The following GALNT13 variants were observed in gnomAD, a reference collection of about 807,000 sequenced individuals.
GALNT13 encodes UDP-GalNAc:polypeptide N-acetylgalactosaminyltransferase 13.
In GALNT13, 28 loss-of-function variants were observed where a neutral mutation model predicts 64.2. The ratio of observed to expected loss-of-function variants is 0.44; its 90% CI spans 0.32 to 0.60. The LOEUF is 0.60. GALNT13 is among the 20% of genes least tolerant of loss of function. The pLI, the probability that GALNT13 is intolerant of heterozygous loss-of-function variation, is 0.05. For synonymous variants in GALNT13, 214 were observed against 224.6 expected, an observed-to-expected ratio of 0.95 and a Z score of 0.42; for missense variants, 577 against 669.8, an observed-to-expected ratio of 0.86 and a Z score of 1.53.
At chr2:153,094,875 A>G in the GALNT13 span, among the ~76,000 whole-genome samples, 1 of 152,214 alleles carries the variant, frequency 6.6e-6, no homozygotes, top group Admixed American at 6.5e-5. Context: ...TACACCTTAT[A>G]CAAAAATTAA....
intron 4 of GALNT13, among the ~76,000 whole-genome samples, chr2:154,227,468 T>C (rs1688679213): frequency 6.9e-6 from 1 of 144,310 alleles, no homozygotes; most frequent in South Asian, 2.4e-4. Context: ...CTCCTAATGC[T>C]ATCCCTCCCC....
intron 4 of GALNT13, among the ~76,000 whole-genome samples, chr2:154,162,183 T>G (rs1684771889): frequency 6.6e-6 from 1 of 152,214 alleles, no homozygotes; most frequent in South Asian, 2.1e-4. Context: ...AAACAGAATG[T>G]CATTACACTG....
At chr2:153,248,649 T>TA in the GALNT13 span, among the ~76,000 whole-genome samples, 11 of 151,030 alleles carry the variant, frequency 7.3e-5, no homozygotes, top group African/African-American at 1.2e-4. Context: ...CCATCTCTAC[T>TA]AAAAAAATAC....
At chr2:154,432,999 A>G (rs925585863) in intron 11 of GALNT13, among the ~76,000 whole-genome samples, 1 of 152,156 alleles carries the variant, frequency 6.6e-6, no homozygotes, top group Non-Finnish European at 1.5e-5. Context: ...TAAGAGGAGG[A>G]TTCAAGGCCA....
At chr2:153,332,488 C>A in the GALNT13 span, among the ~76,000 whole-genome samples, 1 of 146,412 alleles carries the variant, frequency 6.8e-6, no homozygotes, top group African/African-American at 2.5e-5. Flanking sequence ...TGGGGTTATT[C>A]TTGATATTGA....
the GALNT13 span, among the ~76,000 whole-genome samples, chr2:153,749,171 T>A: frequency 6.6e-6 from 1 of 152,082 alleles, no homozygotes; most frequent in East Asian, 1.9e-4. Context: ...AGTTGTTTAT[T>A]ATGTTCCATT....
At chr2:153,478,804 C>G in the GALNT13 span, 3 of 460,118 alleles carry the variant, frequency 6.5e-6, no homozygotes, top group Non-Finnish European at 1.2e-5. Context: ...GTTCCCGGCG[C>G]TCGCTCGAGG....
the GALNT13 span, among the ~76,000 whole-genome samples, chr2:153,539,018 AGT>A: frequency 1.1e-5 from 1 of 92,058 alleles, no homozygotes; most frequent in Non-Finnish European, 2.0e-5. Context: ...ACAGTGTAAA[AGT>A]GTTCCTATTT....
At chr2:153,079,537 G>A in the GALNT13 span, among the ~76,000 whole-genome samples, 3 of 152,154 alleles carry the variant, frequency 2.0e-5, no homozygotes, top group South Asian at 6.2e-4. Context: ...AGTTTGACAA[G>A]GAAAAGTTCA....
intron 3 of GALNT13, among the ~76,000 whole-genome samples, chr2:154,089,436 A>G (rs886447978): frequency 2.0e-5 from 3 of 152,036 alleles, no homozygotes; most frequent in Non-Finnish European, 2.9e-5. Context: ...TTGGCTTGCC[A>G]TACCTGGAGT....
chr2:153,244,560 C>G, the GALNT13 span, among the ~76,000 whole-genome samples: 1 of 152,186 alleles, frequency 6.6e-6, no homozygotes, highest in African/African-American at 2.4e-5. Context: ...AGCTCCCTCC[C>G]CCAGCCAAGG....
At chr2:153,473,814 A>G in the GALNT13 span, among the ~76,000 whole-genome samples, 3 of 152,200 alleles carry the variant, frequency 2.0e-5, no homozygotes, top group Non-Finnish European at 4.4e-5. Flanking sequence ...AAAAGGAAAA[A>G]TGCTTTAGGG....
chr2:154,172,350 A>T (rs1052122643), intron 4 of GALNT13, among the ~76,000 whole-genome samples: 1 of 151,922 alleles, frequency 6.6e-6, no homozygotes, highest in African/African-American at 2.4e-5. Flanking sequence ...ATTATTTTAA[A>T]CTATTATTTC....
At chr2:154,118,600 A>C (rs1681746161) in intron 3 of GALNT13, among the ~76,000 whole-genome samples, 2 of 149,844 alleles carry the variant, frequency 1.3e-5, no homozygotes, top group Admixed American at 6.6e-5. Context: ...TCTCTCTTGC[A>C]GTCTTTCTTT....
At chr2:153,365,554 AC>A in the GALNT13 span, among the ~76,000 whole-genome samples, 3 of 152,190 alleles carry the variant, frequency 2.0e-5, no homozygotes, top group African/African-American at 7.2e-5. Flanking sequence ...CAAGAAAAAA[AC>A]AAATGGCCCC....
chr2:153,231,501 T>A, the GALNT13 span, among the ~76,000 whole-genome samples: 1 of 152,216 alleles, frequency 6.6e-6, no homozygotes, highest in African/African-American at 2.4e-5. Context: ...TAATATAATT[T>A]ACAGAAAGTT....
the GALNT13 span, among the ~76,000 whole-genome samples, chr2:153,472,409 G>C: frequency 1.2e-4 from 19 of 152,124 alleles, no homozygotes; most frequent in Non-Finnish European, 4.4e-5. Flanking sequence ...TGTGGGTAGA[G>C]TATATACCTT....
At chr2:154,342,850 G>A (rs1421008271) in intron 9 of GALNT13, among the ~76,000 whole-genome samples, 3 of 151,726 alleles carry the variant, frequency 2.0e-5, no homozygotes, top group South Asian at 2.1e-4. Context: ...GTGTGTGTGC[G>A]AGATTTCTTA....
chr2:153,602,721 T>C, the GALNT13 span, among the ~76,000 whole-genome samples: 17 of 151,976 alleles, frequency 1.1e-4, no homozygotes, highest in East Asian at 3.1e-3. Context: ...GGAATGATTC[T>C]CTGAGCAAAA....
Sources: allele counts gnomAD v4.1 joint callset (sites outside exome capture counted in the v4.1 genomes callset), GRCh38; gene constraint gnomAD v4.1.1; transcripts MANE v1.5; gene names NCBI Gene and HGNC (gene_info 2026-07-23, HGNC 2026-07-21).